Variants in SAMD3 observed in about 807,000 individuals in gnomAD.
SAMD3 encodes sterile alpha motif domain-containing protein 3.
In SAMD3, 63 loss-of-function variants were observed where a neutral mutation model predicts 58.5. The observed-to-expected ratio is 1.08, with a 90% CI of 0.88 to 1.33. SAMD3 has a LOEUF of 1.33. Ranked by LOEUF, SAMD3 falls within the 40% of genes most tolerant of loss-of-function variation. The probability of loss-of-function intolerance (pLI) is 0.00; values close to 1 mark genes in which losing one functional copy is unlikely to be tolerated. For missense variants in SAMD3, 604 were observed against 608.4 expected, an observed-to-expected ratio of 0.99 and a Z score of 0.08; for synonymous variants, 220 against 210.3, an observed-to-expected ratio of 1.05 and a Z score of -0.40.
At chr6:130,358,111 G>C (rs934461709) in intron 1 of SAMD3, among the ~76,000 whole-genome samples, 1 of 152,158 alleles carries the variant, frequency 6.6e-6, no homozygotes, top group Non-Finnish European at 1.5e-5. Context: ...GCAGAAAGCT[G>C]CATTTTCTTT....
intron 2 of SAMD3, among the ~76,000 whole-genome samples, chr6:130,275,459 G>C (rs1029861595): frequency 3.3e-5 from 5 of 152,114 alleles, no homozygotes; most frequent in African/African-American, 4.8e-5. Flanking sequence ...TCAACTCCCA[G>C]TAGGGCTGAA....
chr6:130,224,909 C>A (rs949492951), upstream of SAMD3, among the ~76,000 whole-genome samples: 1 of 152,064 alleles, frequency 6.6e-6, no homozygotes, highest in African/African-American at 2.4e-5. Context: ...TGAGTCACCA[C>A]GCCCAGCCCG....
Position 130,155,042 on chromosome 6 carries a change from A to G in SAMD3, c.823-17T>C, listed in dbSNP as rs371942563. On this transcript the variant is annotated splice_polypyrimidine_tract_variant and intron_variant, in intron 8 of 11. Transcript: ENST00000439090. ...AGCTTCTTCCTGCAAAACATTTTCA[A>G]CATATCAATGGATTCCATGTTTCTA... 16 of 1,599,814 alleles carry G rather than the reference A, an allele frequency of 1.0e-5. No homozygotes were observed. Among genetic ancestry groups the G allele is most frequent in the African/African-American group, 1.3e-5 (1 of 74,502 alleles).
At position 130,290,423 on chromosome 6, in the gene SAMD3, C is replaced by T. The variant is rs977013432; in HGVS notation, c.-188+22555G>A. ...GCTTTGATTAATTAGATGAGGCTCACCCATGATATGAGAGTAATCTGCTTT... is the reference window on the plus strand; with the variant it reads ...GCTTTGATTAATTAGATGAGGCTCATCCATGATATGAGAGTAATCTGCTTT... On this transcript the variant is annotated intron_variant, in intron 2 of 13. Coordinates refer to the SAMD3 transcript ENST00000368134. Among the ~76,000 whole-genome samples, 4 of 152,250 alleles carry T rather than the reference C, an allele frequency of 2.6e-5. No homozygotes were observed. In the East Asian group the frequency reaches 7.7e-4, roughly 29 times the overall value.
chr6:130,165,806 T>C (rs779444093), intron 8 of SAMD3, among the ~76,000 whole-genome samples: 7 of 152,138 alleles, frequency 4.6e-5, no homozygotes, highest in Non-Finnish European at 1.0e-4. Flanking sequence ...TTTCGGTAAG[T>C]ATGTTTACAT....
At chr6:130,348,941 A>G (rs2115032881) in intron 1 of SAMD3, among the ~76,000 whole-genome samples, 1 of 152,224 alleles carries the variant, frequency 6.6e-6, no homozygotes, top group South Asian at 2.1e-4. Context: ...AAACCACTCA[A>G]CTACATGGAA....
chr6:130,236,732 T>C (rs1773164199), intron 2 of SAMD3, among the ~76,000 whole-genome samples: 1 of 152,248 alleles, frequency 6.6e-6, no homozygotes, highest in Non-Finnish European at 1.5e-5. Flanking sequence ...TTATATTATG[T>C]AATCAGTAGT....
At chr6:130,297,630 A>G (rs1268591510) in intron 2 of SAMD3, among the ~76,000 whole-genome samples, 1 of 152,206 alleles carries the variant, frequency 6.6e-6, no homozygotes, top group Non-Finnish European at 1.5e-5. Flanking sequence ...ATCCAATAAG[A>G]AGAAGCCAGA....
At chr6:130,297,558 C>T (rs977864591) in intron 2 of SAMD3, among the ~76,000 whole-genome samples, 2 of 151,822 alleles carry the variant, frequency 1.3e-5, no homozygotes, top group African/African-American at 4.8e-5. Context: ...TTTGAAATGA[C>T]AGAAAAAGAA....
At chr6:130,272,393 A>G (rs1235251172) in intron 2 of SAMD3, among the ~76,000 whole-genome samples, 2 of 152,224 alleles carry the variant, frequency 1.3e-5, no homozygotes, top group African/African-American at 2.4e-5. Flanking sequence ...TGGGACAGTC[A>G]GTATCTAACT....
chr6:130,184,344 C>T (rs371534314), intron 6 of SAMD3, 94 bp downstream of exon 6: 2 of 1,296,388 alleles, frequency 1.5e-6, no homozygotes, highest in Admixed American at 2.2e-5. Flanking sequence ...AATATATCAT[C>T]CACAATCTGA....
At chr6:130,308,425 ATTCTATTCTATTC>A (rs869181211) in intron 2 of SAMD3, among the ~76,000 whole-genome samples, 8 of 111,060 alleles carry the variant, frequency 7.2e-5, no homozygotes, top group Non-Finnish European at 1.4e-4. Context: ...ATTCTATTCT[ATTCTATTCTATTC>A]TTTTGTGTGT....
intron 2 of SAMD3, among the ~76,000 whole-genome samples, chr6:130,265,597 G>C (rs1429436664): frequency 6.6e-6 from 1 of 152,076 alleles, no homozygotes; most frequent in Middle Eastern, 3.2e-3. Context: ...ACCCTAAAAA[G>C]AACTTGTTTG....
At chr6:130,193,882 T>C (rs1031794338) in intron 5 of SAMD3, among the ~76,000 whole-genome samples, 2 of 152,156 alleles carry the variant, frequency 1.3e-5, no homozygotes, top group Non-Finnish European at 2.9e-5. Context: ...CTGTGCCCAA[T>C]GCAACTTGTC....
chr6:130,209,514 G>A lies in SAMD3; in HGVS notation c.364C>T (p.Gln122Ter). 1 of 1,606,702 alleles carries A rather than the reference G, an allele frequency of 6.2e-7. No individual in the cohort carries two copies. Among genetic ancestry groups the A allele is most frequent in the Non-Finnish European group, 8.5e-7 (1 of 1,173,450 alleles). ...AENLDNGLID[Q>*]RVLKQRRNVK... ...CCCCACCTCTGTTTCAATACTCTTT[G>A]GTCAATTAGTCCATTATCAAGGTTT... The change falls in exon 5 of 12, where the codon CAA (glutamine) becomes TAA (stop). Residue 122 changes from glutamine (Q) to a stop codon, truncating the protein, a stop_gained. Transcript: ENST00000439090. LOFTEE classifies it high-confidence loss of function.
chr6:130,342,602 G>A (rs1777306844), intron 1 of SAMD3, among the ~76,000 whole-genome samples: 1 of 151,940 alleles, frequency 6.6e-6, no homozygotes, highest in Non-Finnish European at 1.5e-5. Flanking sequence ...AGCTAGACAG[G>A]CTTTCATAAT....
chr6:130,159,026 G>C (rs963661940), intron 8 of SAMD3, among the ~76,000 whole-genome samples: 14 of 152,302 alleles, frequency 9.2e-5, no homozygotes, highest in South Asian at 2.1e-4. Context: ...CCTGCTACCA[G>C]TCTGACTGGT....
rs151115760 is a variant in SAMD3, at chr6:130,144,362, T to C, written c.*158A>G. 1.6e-6 allele frequency: 1 copy of C among 617,142 alleles called. No individual in the cohort carries two copies. The highest frequency in any genetic ancestry group is 2.7e-6 in the Non-Finnish European group (1 of 370,874). The allele number at this position is 617,142 out of a possible 1,614,324, so 38.2% of individuals were successfully genotyped here. ...ACAGAATTTCACAAAGAACTTAATA[T>C]CTAAGTGTAAAGATAGAAAGCATTG... On this transcript the variant is annotated 3_prime_UTR_variant, in exon 12 of 12. Transcript: ENST00000439090.
chr6:130,221,507 C>A (rs571164883), intron 1 of SAMD3: 13 of 152,094 alleles, frequency 8.5e-5, no homozygotes, highest in African/African-American at 2.9e-4. Flanking sequence ...TAACTGATAA[C>A]ATAGACAATT....
Sources: gnomAD v4.1 joint callset for allele counts (sites outside exome capture counted in the v4.1 genomes callset) on GRCh38, gnomAD v4.1.1 for gene constraint, MANE v1.5 for transcripts, NCBI Gene and HGNC (gene_info 2026-07-23, HGNC 2026-07-21) for gene names.